PTPRN2: variants seen among roughly 807,000 people sequenced by gnomAD.
PTPRN2 encodes the protein receptor-type tyrosine-protein phosphatase N2.
In PTPRN2, 74 loss-of-function variants were observed where a neutral mutation model predicts 118.8. The ratio of observed to expected loss-of-function variants is 0.62; its 90% CI spans 0.52 to 0.76. The LOEUF (loss-of-function observed/expected upper bound fraction) is 0.76, where lower values mean the gene tolerates loss of function less well. PTPRN2 is among the 30% of genes least tolerant of loss of function. The pLI is 0.00. For synonymous variants in PTPRN2, 641 were observed against 608.0 expected, an observed-to-expected ratio of 1.05 and a Z score of -0.80; for missense variants, 1,481 against 1,394.4, an observed-to-expected ratio of 1.06 and a Z score of -0.99.
chr7:157,965,770 A>T (rs1801880121), intron 11 of PTPRN2, among the ~76,000 whole-genome samples: 1 of 152,202 alleles, frequency 6.6e-6, no homozygotes, highest in African/African-American at 2.4e-5. Flanking sequence ...CTCAGATAGC[A>T]TTTCAGAGTC....
intron 3 of PTPRN2, among the ~76,000 whole-genome samples, chr7:158,283,130 A>C (rs1356775412): frequency 6.6e-6 from 1 of 152,194 alleles, no homozygotes. Flanking sequence ...TCAGGGGAAG[A>C]CGCATTCGAC....
chr7:158,523,494 G>C (rs1052956141), intron 1 of PTPRN2, among the ~76,000 whole-genome samples: 44 of 61,304 alleles, frequency 7.2e-4, no homozygotes, highest in South Asian at 5.2e-3. Context: ...GAGTGGAGTC[G>C]TCTGCCCTGG....
chr7:158,424,753 G>A (rs1046330679), intron 2 of PTPRN2, among the ~76,000 whole-genome samples: 1 of 151,940 alleles, frequency 6.6e-6, no homozygotes, highest in Non-Finnish European at 1.5e-5. Flanking sequence ...TGGGGACCTC[G>A]GGGCCCACAG....
chr7:158,128,816 C>T (rs1269495612), intron 9 of PTPRN2, among the ~76,000 whole-genome samples: 5 of 152,074 alleles, frequency 3.3e-5, no homozygotes, highest in Admixed American at 6.6e-5. Context: ...GATGGGCGGC[C>T]GTCCCCCTGC....
chr7:157,909,887 G>A (rs1797985438), intron 11 of PTPRN2, among the ~76,000 whole-genome samples: 1 of 152,182 alleles, frequency 6.6e-6, no homozygotes. Flanking sequence ...ATCTGTTGAG[G>A]GAATGAATAA....
intron 21 of PTPRN2, among the ~76,000 whole-genome samples, chr7:157,555,584 G>C (rs555517669): frequency 2.0e-5 from 3 of 152,238 alleles, no homozygotes; most frequent in Non-Finnish European, 4.4e-5. Flanking sequence ...TCATTCTTCC[G>C]CATGGCTTCC....
At chr7:157,710,189 T>G (rs992757214) in intron 12 of PTPRN2, among the ~76,000 whole-genome samples, 1 of 152,092 alleles carries the variant, frequency 6.6e-6, no homozygotes, top group East Asian at 1.9e-4. Context: ...AAATCTGAGC[T>G]CTCTCCCTCC....
At chr7:157,662,605 G>A (rs1461991513) in intron 13 of PTPRN2, among the ~76,000 whole-genome samples, 3 of 152,194 alleles carry the variant, frequency 2.0e-5, no homozygotes, top group African/African-American at 4.8e-5. Context: ...AGGCTAGGCC[G>A]CAATGGCACC....
intron 3 of PTPRN2, among the ~76,000 whole-genome samples, chr7:158,283,165 T>C (rs1010235845): frequency 6.6e-6 from 1 of 152,222 alleles, no homozygotes; most frequent in African/African-American, 2.4e-5. Flanking sequence ...AAAACACTTC[T>C]TGTTACGTTC....
At chr7:158,556,068 T>C (rs892716709) in intron 1 of PTPRN2, among the ~76,000 whole-genome samples, 4 of 152,168 alleles carry the variant, frequency 2.6e-5, no homozygotes, top group African/African-American at 7.2e-5. Flanking sequence ...ATGACAGATA[T>C]AGATGATTGA....
intron 3 of PTPRN2, among the ~76,000 whole-genome samples, chr7:158,280,685 C>A (rs1799364556): frequency 6.6e-6 from 1 of 151,428 alleles, no homozygotes; most frequent in Non-Finnish European, 1.5e-5. Context: ...TGGAGTTTCT[C>A]CACCGTCATT....
Position 158,489,743 on chromosome 7 carries a change from C to G in PTPRN2, c.155G>C (p.Cys52Ser). The stretch of plus-strand genomic sequence containing the variant: ...CAGGACCCCACACTCACCGTTCACA[C>G]AGGCCTCGGACGCTCCGCAGAGGCC... ...EEGLCGASEA[C>S]VNDGVFGRCQ... Residue 52 changes from cysteine to serine, a missense_variant, in exon 2 of 23, where the codon TGT (cysteine) becomes TCT (serine). Cys to Ser is a moderately radical substitution (Grantham distance 112). Around this residue, in one of 3 missense-constraint regions of PTPRN2, gnomAD observed 1,115 missense variants for 994.2 expected, o/e 1.12. Transcript: ENST00000389418. 6.3e-7 allele frequency: 1 copy of G among 1,583,742 alleles called. No homozygotes were observed. The highest frequency in any genetic ancestry group is 8.6e-7 in the Non-Finnish European group (1 of 1,166,152).
At chr7:158,031,943 C>A (rs1807722403) in intron 11 of PTPRN2, among the ~76,000 whole-genome samples, 1 of 152,242 alleles carries the variant, frequency 6.6e-6, no homozygotes, top group East Asian at 1.9e-4. Context: ...CCTCTGAAGT[C>A]TCTGGGTCTC....
intron 12 of PTPRN2, among the ~76,000 whole-genome samples, chr7:157,877,376 C>G (rs1795839319): frequency 6.6e-6 from 1 of 151,216 alleles, no homozygotes; most frequent in Admixed American, 6.6e-5. Context: ...CTAGAGTTTT[C>G]TCGGGGACCC....
chr7:158,329,182 C>T (rs561882207), intron 2 of PTPRN2, among the ~76,000 whole-genome samples: 78 of 152,352 alleles, frequency 5.1e-4, no homozygotes, highest in Non-Finnish European at 1.5e-4. Context: ...GCCCAGCAGA[C>T]ACCGGCCAGG....
chr7:157,769,226 C>T (rs1802660364), intron 12 of PTPRN2, among the ~76,000 whole-genome samples: 1 of 152,160 alleles, frequency 6.6e-6, no homozygotes, highest in Non-Finnish European at 1.5e-5. Context: ...CAAGGACCAA[C>T]ACATGCCGGT....
In PTPRN2 at chr7:157,831,300, G is replaced by C. The variant is rs1281268157; in HGVS notation, c.1788+67373C>G. Among the ~76,000 whole-genome samples the C allele has an allele frequency of 1.3e-5, 2 of 152,138 alleles. No homozygotes were observed. Among genetic ancestry groups the C allele is most frequent in the Non-Finnish European group, 2.9e-5 (2 of 68,024 alleles). On this transcript the variant is annotated intron_variant, in intron 12 of 22. Coordinates refer to ENST00000389418, the MANE Select transcript of PTPRN2 (RefSeq NM_002847.5). This position sits in a 1 kb window ranked among gnomAD's most constrained non-coding sequence, Gnocchi z 4.8. Reference sequence around the variant, plus strand: ...GACCTGTAGCCTCATCCAGCACTGCGGCCACTCCTCCTCCAGGTGTCCCGC... The same window carrying C: ...GACCTGTAGCCTCATCCAGCACTGCCGCCACTCCTCCTCCAGGTGTCCCGC...
Position 157,591,817 on chromosome 7 carries a change from G to A in PTPRN2, c.2496+3421C>T, listed in dbSNP as rs987669222. Among the ~76,000 whole-genome samples, 3 of 152,228 alleles carry A rather than the reference G, an allele frequency of 2.0e-5. No individual in the cohort carries two copies. The highest frequency in any genetic ancestry group is 2.9e-5 in the Non-Finnish European group (2 of 68,032). On this transcript the variant is annotated intron_variant, in intron 17 of 22. Coordinates refer to ENST00000389418, the MANE Select transcript of PTPRN2 (RefSeq NM_002847.5). This position sits in a 1 kb window ranked among gnomAD's most constrained non-coding sequence, Gnocchi z 4.4. ...TGTGGATTTATGGCATCGATGGTGGGCAGCTCCTGTGTTCTGCACAGAGGG... is the reference window on the plus strand; with the variant it reads ...TGTGGATTTATGGCATCGATGGTGGACAGCTCCTGTGTTCTGCACAGAGGG...
At position 157,922,365 on chromosome 7, in the gene PTPRN2, C is replaced by T. The variant is rs534285704; in HGVS notation, c.1724-23628G>A. Among the ~76,000 whole-genome samples the T allele has an allele frequency of 3.9e-5, 6 of 152,162 alleles. No individual in the cohort carries two copies. In the East Asian group the frequency reaches 5.8e-4, roughly 15 times the overall value. On this transcript the variant is annotated intron_variant, in intron 11 of 22. Transcript: ENST00000389418. ...CTGCATCCTGACTTGGAACAGAGTG[C>T]GTGGAAAGGGAAATGGGGGTCTGGG...
Sources: gnomAD v4.1 joint callset for allele counts (sites outside exome capture counted in the v4.1 genomes callset) on GRCh38, gnomAD v4.1.1 for gene constraint, gnomAD v4.1.1 regional missense constraint, Gnocchi (gnomAD v3.1) non-coding constraint, MANE v1.5 for transcripts, NCBI Gene and HGNC (gene_info 2026-07-23, HGNC 2026-07-21) for gene names.